Variants in CMC1 observed in about 807,000 individuals in gnomAD.
The protein encoded by CMC1 is COX assembly mitochondrial protein homolog.
In CMC1, 14 loss-of-function variants were observed where a neutral mutation model predicts 14.1. The ratio of observed to expected loss-of-function variants is 0.99; its 90% CI spans 0.66 to 1.55. The LOEUF (loss-of-function observed/expected upper bound fraction) is 1.55, where lower values mean the gene tolerates loss of function less well. CMC1 is among the 40% of genes most tolerant of loss of function. The probability of loss-of-function intolerance (pLI) is 0.00; values close to 1 mark genes in which losing one functional copy is unlikely to be tolerated. For synonymous variants in CMC1, 50 were observed against 38.4 expected, an observed-to-expected ratio of 1.30 and a Z score of -1.12; for missense variants, 127 against 123.8, an observed-to-expected ratio of 1.03 and a Z score of -0.12.
At chr3:28,307,381 T>C (rs987174060) in intron 2 of CMC1, among the ~76,000 whole-genome samples, 2 of 152,108 alleles carry the variant, frequency 1.3e-5, no homozygotes, top group African/African-American at 4.8e-5. Flanking sequence ...TAAAAAAAAT[T>C]AGCTAGGTGT....
chr3:28,316,659 A>G lies in CMC1; in HGVS notation c.200+236A>G, dbSNP rs563415472. 25 of 310,668 alleles carry G rather than the reference A, an allele frequency of 8.0e-5. 2 individuals are homozygous for G. Among genetic ancestry groups the G allele is most frequent in the South Asian group, 5.3e-4 (4 of 7,598 alleles). 19.2% of individuals were successfully genotyped at this position (310,668 alleles called of 1,614,324 possible). A position where few individuals can be genotyped will look rare whatever the true frequency, so the allele number is the denominator to read the frequency against. Reference sequence around the variant, plus strand: ...AAAGATGAAGTCAGCAGACAAAAATATATGATTTTTCACTATTTAATAAAT... The same window carrying G: ...AAAGATGAAGTCAGCAGACAAAAATGTATGATTTTTCACTATTTAATAAAT... On this transcript the variant is annotated intron_variant, in intron 3 of 3. Transcript: ENST00000466830.
Position 28,323,277 on chromosome 3 carries a change from T to C in CMC1, c.*3648T>C. 6.6e-6 allele frequency: 1 copy of C among 151,314 alleles called. No homozygotes were observed. The highest frequency in any genetic ancestry group is 1.9e-4 in the East Asian group (1 of 5,140). 9.4% of individuals were successfully genotyped at this position (151,314 alleles called of 1,614,324 possible). A position where few individuals can be genotyped will look rare whatever the true frequency, so the allele number is the denominator to read the frequency against. On this transcript the variant is annotated 3_prime_UTR_variant, in exon 4 of 4. Transcript: ENST00000466830. ...GCAGATTAGACTGAAATCTGTGTGATGCTCCTTCTACTACTTATTGAATAG... is the reference window on the plus strand; with the variant it reads ...GCAGATTAGACTGAAATCTGTGTGACGCTCCTTCTACTACTTATTGAATAG...
At chr3:28,302,030 T>C (rs1345330034) in intron 2 of CMC1, among the ~76,000 whole-genome samples, 3 of 152,160 alleles carry the variant, frequency 2.0e-5, no homozygotes, top group African/African-American at 4.8e-5. Context: ...TTAAGTGACC[T>C]CTAAAGGCCT....
chr3:28,265,805 C>A (rs1039247004), intron 2 of CMC1, among the ~76,000 whole-genome samples: 2 of 152,192 alleles, frequency 1.3e-5, no homozygotes, highest in Admixed American at 1.3e-4. Flanking sequence ...TTCCTATTAA[C>A]AAGGAGCATT....
chr3:28,284,412 A>C (rs1701061873), intron 2 of CMC1, among the ~76,000 whole-genome samples: 1 of 152,194 alleles, frequency 6.6e-6, no homozygotes, highest in African/African-American at 2.4e-5. Context: ...ACACAGGCTA[A>C]ATCAGTGATC....
At chr3:28,300,695 T>TTCCCTCCCTC in intron 2 of CMC1, among the ~76,000 whole-genome samples, 1 of 69,940 alleles carries the variant, frequency 1.4e-5, no homozygotes, top group Non-Finnish European at 3.0e-5. Context: ...TTCCCTCCCT[T>TTCCCTCCCTC]TCCCTCCCTC....
chr3:28,319,093 C>T (rs1217018856), intron 3 of CMC1: 4 of 360,286 alleles, frequency 1.1e-5, no homozygotes, highest in Middle Eastern at 3.8e-4. Flanking sequence ...CCCACACTTG[C>T]CTTCTATATG....
At chr3:28,314,781 A>G (rs962362657) in intron 2 of CMC1, among the ~76,000 whole-genome samples, 1 of 150,572 alleles carries the variant, frequency 6.6e-6, no homozygotes, top group Non-Finnish European at 1.5e-5. Flanking sequence ...TGAATTTTTT[A>G]TGCATTTAAT....
intron 1 of CMC1, among the ~76,000 whole-genome samples, chr3:28,247,113 T>C (rs1382351379): frequency 6.6e-6 from 1 of 152,170 alleles, no homozygotes; most frequent in East Asian, 1.9e-4. Flanking sequence ...TCATATACTC[T>C]CACCATTTTT....
At chr3:28,319,292 A>C (rs1315683027) in intron 3 of CMC1, 2 of 574,890 alleles carry the variant, frequency 3.5e-6, no homozygotes, top group Non-Finnish European at 3.3e-6. Flanking sequence ...TGTGCTTCTC[A>C]TTGCTCTATT....
Position 28,323,875 on chromosome 3 carries a change from C to T in CMC1, c.*4246C>T. ...GAGGGTGCTCTTTCATACTAGAAAA[C>T]CAACTATGTTGGTTTTTGTACTATT... is the stretch of plus-strand genomic sequence containing the variant. On this transcript the variant is annotated 3_prime_UTR_variant, in exon 4 of 4. Coordinates refer to ENST00000466830, the MANE Select transcript of CMC1 (RefSeq NM_182523.2). The T allele has an allele frequency of 1.5e-6, 1 of 679,120 alleles. No homozygotes were observed. The highest frequency in any genetic ancestry group is 2.3e-6 in the Non-Finnish European group (1 of 426,320). The allele number at this position is 679,120 out of a possible 1,614,324, so 42.1% of individuals were successfully genotyped here. A position where few individuals can be genotyped will look rare whatever the true frequency, so the allele number is the denominator to read the frequency against.
At chr3:28,269,456 ACTT>A (rs1700167915) in intron 2 of CMC1, among the ~76,000 whole-genome samples, 2 of 87,994 alleles carry the variant, frequency 2.3e-5, no homozygotes, top group Non-Finnish European at 5.4e-5. Flanking sequence ...ATGAAACTTT[ACTT>A]TAAGTTCTGG....
At chr3:28,276,647 G>A (rs1700603106) in intron 2 of CMC1, among the ~76,000 whole-genome samples, 1 of 152,184 alleles carries the variant, frequency 6.6e-6, no homozygotes, top group South Asian at 2.1e-4. Flanking sequence ...TAAGTTACCT[G>A]ATGATCCTGC....
At chr3:28,304,198 A>G (rs1375126721) in intron 2 of CMC1, among the ~76,000 whole-genome samples, 2 of 152,188 alleles carry the variant, frequency 1.3e-5, no homozygotes, top group African/African-American at 4.8e-5. Flanking sequence ...TGTCTCTTAA[A>G]AAAATACATC....
At chr3:28,272,004 T>C (rs1365062236) in intron 2 of CMC1, among the ~76,000 whole-genome samples, 1 of 152,166 alleles carries the variant, frequency 6.6e-6, no homozygotes, top group Admixed American at 6.5e-5. Context: ...GGGAGTTCAT[T>C]CATGATTTGG....
intron 2 of CMC1, among the ~76,000 whole-genome samples, chr3:28,268,081 TATATATG>T (rs1700097201): frequency 6.6e-6 from 1 of 152,182 alleles, no homozygotes; most frequent in Non-Finnish European, 1.5e-5. Context: ...GAATAGCTGT[TATATATG>T]AGTATATTAT....
At chr3:28,270,717 T>C (rs1156600071) in intron 2 of CMC1, among the ~76,000 whole-genome samples, 3 of 152,136 alleles carry the variant, frequency 2.0e-5, no homozygotes, top group Admixed American at 6.5e-5. Flanking sequence ...TTCACGCTTA[T>C]GATAGTTTCT....
chr3:28,322,652 C>T lies in CMC1; in HGVS notation c.*3023C>T, dbSNP rs370365467. 2.0e-5 allele frequency: 3 copies of T among 151,456 alleles called. No homozygotes were observed. The highest frequency in any genetic ancestry group is 7.3e-5 in the African/African-American group (3 of 41,284). 9.4% of individuals were successfully genotyped at this position (151,456 alleles called of 1,614,324 possible). ...TATTGGGTTTGGTTCTATTACTTGG[C>T]AGGAGATTGTACTCCCCTGAGTCAG... On this transcript the variant is annotated 3_prime_UTR_variant, in exon 4 of 4. Transcript: ENST00000466830.
At position 28,316,500 on chromosome 3, in the gene CMC1, G is replaced by A. The variant is rs554390681; in HGVS notation, c.200+77G>A. On this transcript the variant is annotated intron_variant, in intron 3 of 3. Coordinates refer to ENST00000466830, the MANE Select transcript of CMC1 (RefSeq NM_182523.2). ...GAGTATGTTACTTAACTCATTACAT[G>A]TAATATATTCTGTACCTCTCCATAC... The A allele has an allele frequency of 4.7e-5, 35 of 748,156 alleles. No homozygotes were observed. The South Asian group carries it at 5.2e-4, about 11-fold the overall frequency. The allele number at this position is 748,156 out of a possible 1,614,324, so 46.3% of individuals were successfully genotyped here.
Sources: gnomAD v4.1 joint callset for allele counts (sites outside exome capture counted in the v4.1 genomes callset) on GRCh38, gnomAD v4.1.1 for gene constraint, MANE v1.5 for transcripts, NCBI Gene and HGNC (gene_info 2026-07-23, HGNC 2026-07-21) for gene names.